The following ZBBX variants were observed in gnomAD, a reference collection of about 807,000 sequenced individuals.
ZBBX encodes zinc finger B-box domain containing, also known as zinc finger B-box domain-containing protein 1.
Under a neutral mutation model 108.5 loss-of-function variants are expected in ZBBX, and 101 were observed. The ratio of observed to expected loss-of-function variants is 0.93; its 90% CI spans 0.79 to 1.10. The LOEUF (loss-of-function observed/expected upper bound fraction) is 1.10. Ranked by LOEUF, ZBBX falls within the 50% of genes least tolerant of loss-of-function variation. The pLI is 0.00. For missense variants in ZBBX, 1,009 were observed against 941.4 expected, an observed-to-expected ratio of 1.07 and a Z score of -0.94; for synonymous variants, 356 against 323.4, an observed-to-expected ratio of 1.10 and a Z score of -1.08.
chr3:167,348,676 C>T (rs972145794), intron 9 of ZBBX, among the ~76,000 whole-genome samples: 21 of 151,910 alleles, frequency 1.4e-4, no homozygotes, highest in African/African-American at 4.3e-4. Flanking sequence ...CTGTAGATTG[C>T]CATACATGTT....
chr3:167,350,440 G>A lies in ZBBX; in HGVS notation c.508C>T (p.His170Tyr). The part of the protein sequence containing the change: ...KVHQKGALKL[H>Y]RTTLLQAKSQ... ...CATACCTGCAAAAGAGTTGTTCTGT[G>A]GAGCTTTAGTGCCCCTTTCTGGTGA... The change falls in exon 9 of 22, where the codon CAC (histidine) becomes TAC (tyrosine). Residue 170 changes from histidine to tyrosine, a missense_variant. His to Tyr is a moderately conservative substitution (Grantham distance 83). Coordinates refer to ENST00000675490, the MANE Select transcript of ZBBX (RefSeq NM_001199201.2). 2 of 1,594,400 alleles carry A rather than the reference G, an allele frequency of 1.3e-6. No individual in the cohort carries two copies. Among genetic ancestry groups the A allele is most frequent in the South Asian group, 1.1e-5 (1 of 87,660 alleles).
chr3:167,313,442 A>AT (rs930837490), intron 16 of ZBBX, among the ~76,000 whole-genome samples: 2 of 151,662 alleles, frequency 1.3e-5, no homozygotes, highest in Non-Finnish European at 2.9e-5. Flanking sequence ...TGCCAGGCTA[A>AT]TTTTTTTTAT....
the ZBBX span, among the ~76,000 whole-genome samples, chr3:167,179,783 C>A: frequency 6.6e-5 from 10 of 152,248 alleles, no homozygotes; most frequent in African/African-American, 2.4e-4. Flanking sequence ...ATTTTCAGCA[C>A]CTTCAATTGG....
chr3:167,207,918 G>A, the ZBBX span, among the ~76,000 whole-genome samples: 25 of 152,272 alleles, frequency 1.6e-4, no homozygotes, highest in Non-Finnish European at 3.5e-4. Flanking sequence ...ACAGAAGTGG[G>A]TAGGAAAGAC....
chr3:167,185,955 C>A, the ZBBX span, among the ~76,000 whole-genome samples: 1 of 152,064 alleles, frequency 6.6e-6, no homozygotes, highest in South Asian at 2.1e-4. Flanking sequence ...TTATACACAG[C>A]CAAATTTTCT....
chr3:167,263,235 C>T (rs758230657), intron 20 of ZBBX, among the ~76,000 whole-genome samples: 12 of 152,062 alleles, frequency 7.9e-5, no homozygotes, highest in Non-Finnish European at 1.6e-4. Flanking sequence ...CGGGGTTTCA[C>T]CTGCCTCAGC....
At chr3:167,224,279 T>A in the ZBBX span, among the ~76,000 whole-genome samples, 1 of 151,992 alleles carries the variant, frequency 6.6e-6, no homozygotes, top group Admixed American at 6.6e-5. Context: ...TAAACTGGCA[T>A]TCTAAAGGCT....
At chr3:167,350,914 C>A (rs916625247) in intron 8 of ZBBX, among the ~76,000 whole-genome samples, 1 of 152,004 alleles carries the variant, frequency 6.6e-6, no homozygotes, top group African/African-American at 2.4e-5. Flanking sequence ...AAAACTCCTT[C>A]ATTTGTATGA....
Position 167,301,727 on chromosome 3 carries a change from G to C in ZBBX, c.1726-3269C>G, listed in dbSNP as rs151097141. 4.9e-3 allele frequency among the ~76,000 whole-genome samples: 749 copies of C among 152,218 alleles called. 4 individuals carry two copies. Among genetic ancestry groups the C allele is most frequent in the African/African-American group, 0.018 (728 of 41,546 alleles). ...GATCCCAGCACTTTGGGAGGCCAAG[G>C]CGGTTGGATCGCGAGGTCAGGAGAT... On this transcript the variant is annotated intron_variant, in intron 17 of 21. Coordinates refer to ENST00000675490, the MANE Select transcript of ZBBX (RefSeq NM_001199201.2).
the ZBBX span, among the ~76,000 whole-genome samples, chr3:167,187,392 C>G: frequency 1.3e-5 from 2 of 152,114 alleles, no homozygotes; most frequent in African/African-American, 4.8e-5. Flanking sequence ...ATTGGTAGCC[C>G]ATCTGGAGTG....
At chr3:167,326,621 CA>C (rs34133389) in intron 11 of ZBBX, among the ~76,000 whole-genome samples, 2,232 of 144,780 alleles carry the variant, frequency 0.015, 92 homozygotes, top group Admixed American at 0.091. Flanking sequence ...GTTGACAAGT[CA>C]AAAAAAAAAT....
chr3:167,367,192 A>G (rs1451776317), intron 5 of ZBBX, among the ~76,000 whole-genome samples: 2 of 151,844 alleles, frequency 1.3e-5, no homozygotes, highest in African/African-American at 2.4e-5. Context: ...TGAAACATGC[A>G]CTCTCATACA....
At chr3:167,273,657 G>C (rs1726947090) in intron 20 of ZBBX, among the ~76,000 whole-genome samples, 1 of 152,050 alleles carries the variant, frequency 6.6e-6, no homozygotes, top group Non-Finnish European at 1.5e-5. Flanking sequence ...TGTTATGGTG[G>C]ACCCTTACTG....
intron 1 of ZBBX, among the ~76,000 whole-genome samples, chr3:167,404,597 G>A (rs1479266525): frequency 6.6e-6 from 1 of 152,032 alleles, no homozygotes; most frequent in African/African-American, 2.4e-5. Flanking sequence ...GACAACAGAA[G>A]GGACAAGGAA....
At chr3:167,376,425 C>G (rs1160438865) in intron 2 of ZBBX, among the ~76,000 whole-genome samples, 2 of 152,074 alleles carry the variant, frequency 1.3e-5, no homozygotes, top group Non-Finnish European at 2.9e-5. Context: ...GTCACAAAAA[C>G]TTCCATAATG....
chr3:167,223,596 G>A, the ZBBX span, among the ~76,000 whole-genome samples: 2 of 151,848 alleles, frequency 1.3e-5, no homozygotes, highest in African/African-American at 4.8e-5. Context: ...GATCTTTCAT[G>A]TCAATTCTAG....
In ZBBX at chr3:167,241,373, G is replaced by A. The variant is rs1057107367; in HGVS notation, c.2394-454C>T. ...ATATGCTGAAGCAAAAATTAATGAC[G>A]GCATTTGTTTGTTATTTTATTTTGT... On this transcript the variant is annotated intron_variant, in intron 21 of 21. Coordinates refer to ENST00000675490, the MANE Select transcript of ZBBX (RefSeq NM_001199201.2). Among the ~76,000 whole-genome samples the A allele has an allele frequency of 5.9e-5, 9 of 152,108 alleles. No homozygotes were observed. The South Asian group carries it at 6.2e-4, about 11-fold the overall frequency.
At chr3:167,368,384 G>T in intron 5 of ZBBX, 77 bp downstream of exon 5, 1 of 1,032,532 alleles carries the variant, frequency 9.7e-7, no homozygotes, top group Non-Finnish European at 1.4e-6. Flanking sequence ...GTTTTTATTG[G>T]AATGACAACA....
the ZBBX span, among the ~76,000 whole-genome samples, chr3:167,214,729 C>T: frequency 3.9e-5 from 6 of 152,060 alleles, no homozygotes; most frequent in Admixed American, 2.0e-4. Flanking sequence ...AAATCAAACA[C>T]GTACTTGGAC....
Sources: gnomAD v4.1 joint callset for allele counts (sites outside exome capture counted in the v4.1 genomes callset) on GRCh38, gnomAD v4.1.1 for gene constraint, MANE v1.5 for transcripts, NCBI Gene and HGNC (gene_info 2026-07-23, HGNC 2026-07-21) for gene names.